THSD7A: variants seen among roughly 807,000 people sequenced by gnomAD.
THSD7A encodes thrombospondin type 1 domain containing 7A, also known as thrombospondin type-1 domain-containing protein 7A.
Under a neutral mutation model 231.3 loss-of-function variants are expected in THSD7A, and 96 were observed. The ratio of observed to expected loss-of-function variants is 0.41; its 90% CI spans 0.35 to 0.49. The LOEUF (loss-of-function observed/expected upper bound fraction) is 0.49. Ranked by LOEUF, THSD7A falls within the 20% of genes least tolerant of loss-of-function variation. The pLI is 0.05. For synonymous variants in THSD7A, 940 were observed against 743.3 expected, an observed-to-expected ratio of 1.26 and a Z score of -4.30; for missense variants, 2,290 against 2,070.2, an observed-to-expected ratio of 1.11 and a Z score of -2.06.
At chr7:11,777,906 T>C (rs1474380202) in intron 1 of THSD7A, among the ~76,000 whole-genome samples, 4 of 151,176 alleles carry the variant, frequency 2.6e-5, no homozygotes, top group Non-Finnish European at 5.9e-5. Context: ...TCCCAGCACT[T>C]TGGGAGGCCG....
chr7:11,412,636 T>G lies in THSD7A; in HGVS notation c.3682+20A>C. On this transcript the variant is annotated intron_variant, in intron 18 of 27. Transcript: ENST00000423059. ...ACAGGATTTGGACTTAACTCCGTGATCAGATGATGATCCATGTACCTGTTA... is the reference window on the plus strand; with the variant it reads ...ACAGGATTTGGACTTAACTCCGTGAGCAGATGATGATCCATGTACCTGTTA... 6.2e-7 allele frequency: 1 copy of G among 1,613,254 alleles called. No homozygotes were observed. Among genetic ancestry groups the G allele is most frequent in the Non-Finnish European group, 8.5e-7 (1 of 1,179,436 alleles).
intron 1 of THSD7A, among the ~76,000 whole-genome samples, chr7:11,684,278 T>C (rs1779946685): frequency 6.6e-6 from 1 of 151,462 alleles, no homozygotes; most frequent in African/African-American, 2.4e-5. Context: ...GCAAATACCA[T>C]ACTGAACAGG....
chr7:11,392,200 C>T (rs559862852), intron 23 of THSD7A, among the ~76,000 whole-genome samples: 96 of 152,114 alleles, frequency 6.3e-4, no homozygotes, highest in South Asian at 1.9e-3. Flanking sequence ...GTACCTGGCT[C>T]ATCTCATTGG....
Position 11,653,572 on chromosome 7 carries a change from C to T in THSD7A, c.191-16611G>A, listed in dbSNP as rs187680908. The stretch of plus-strand genomic sequence containing the variant: ...AGTATTCACAGGTGCAATCATAGCA[C>T]GTTACATCCTGGATGTCTTAAGCTC... On this transcript the variant is annotated intron_variant, in intron 1 of 27. Transcript: ENST00000423059. Among the ~76,000 whole-genome samples, 3 of 151,336 alleles carry T rather than the reference C, an allele frequency of 2.0e-5. No individual in the cohort carries two copies. In the East Asian group the frequency reaches 5.9e-4, roughly 30 times the overall value.
At chr7:11,613,847 A>G (rs775581852) in intron 2 of THSD7A, among the ~76,000 whole-genome samples, 1 of 152,160 alleles carries the variant, frequency 6.6e-6, no homozygotes, top group Admixed American at 6.5e-5. Context: ...GGATTTGCCT[A>G]TTATGTCTCC....
Position 11,424,728 on chromosome 7 carries a change from G to A in THSD7A, c.3351C>T (p.Asn1117=). 1 of 1,613,976 alleles carries A rather than the reference G, an allele frequency of 6.2e-7. No individual in the cohort carries two copies. Among genetic ancestry groups the A allele is most frequent in the Non-Finnish European group, 8.5e-7 (1 of 1,179,886 alleles). ...TTCGGGTTTGCACGCCCTCTCCACA[G>A]TTCTCCCGCATATTCACAAAGGTCA... ...CKVTFVNMRE[N]CGEGVQTRKV... Residue 1117 remains asparagine, a synonymous_variant, in exon 16 of 28, where the codon AAC becomes AAT. Transcript: ENST00000423059.
At chr7:11,750,836 G>A (rs1227137379) in intron 1 of THSD7A, among the ~76,000 whole-genome samples, 4 of 151,992 alleles carry the variant, frequency 2.6e-5, no homozygotes, top group Non-Finnish European at 5.9e-5. Flanking sequence ...AGGAATGACA[G>A]TAATACACTT....
chr7:11,668,205 A>G (rs1345074166), intron 1 of THSD7A, among the ~76,000 whole-genome samples: 1 of 152,080 alleles, frequency 6.6e-6, no homozygotes, highest in Non-Finnish European at 1.5e-5. Context: ...AGGGTGGATC[A>G]CCTGAGGCCG....
At chr7:11,741,510 C>T (rs79882056) in intron 1 of THSD7A, among the ~76,000 whole-genome samples, 6 of 151,852 alleles carry the variant, frequency 4.0e-5, no homozygotes, top group South Asian at 2.1e-4. Flanking sequence ...AATAAACTCA[C>T]GAGTGGTTTT....
intron 1 of THSD7A, among the ~76,000 whole-genome samples, chr7:11,810,743 T>C (rs1225117813): frequency 6.6e-6 from 1 of 152,152 alleles, no homozygotes; most frequent in Admixed American, 6.6e-5. Context: ...GCAAAATTAT[T>C]GATGATATTA....
intron 1 of THSD7A, among the ~76,000 whole-genome samples, chr7:11,644,347 A>C (rs985330863): frequency 6.6e-6 from 1 of 152,006 alleles, no homozygotes; most frequent in Non-Finnish European, 1.5e-5. Flanking sequence ...TTATAAATAT[A>C]TGCTCTGCCT....
chr7:11,654,654 T>C (rs1782640446), intron 1 of THSD7A, among the ~76,000 whole-genome samples: 3 of 151,948 alleles, frequency 2.0e-5, no homozygotes, highest in African/African-American at 7.2e-5. Context: ...CCACAAGTAT[T>C]AAATAGCCAT....
intron 6 of THSD7A, among the ~76,000 whole-genome samples, chr7:11,483,305 C>T (rs373671350): frequency 1.3e-5 from 2 of 152,242 alleles, no homozygotes; most frequent in East Asian, 3.9e-4. Flanking sequence ...CTTGCAGAGC[C>T]TTTAATCATG....
Position 11,637,410 on chromosome 7 carries a change from T to C in THSD7A, c.191-449A>G, listed in dbSNP as rs578157645. Among the ~76,000 whole-genome samples, 8 of 152,174 alleles carry C rather than the reference T, an allele frequency of 5.3e-5. No homozygotes were observed. The highest frequency in any genetic ancestry group is 1.0e-4 in the Non-Finnish European group (7 of 68,020). On this transcript the variant is annotated intron_variant, in intron 1 of 27. Coordinates refer to ENST00000423059, the MANE Select transcript of THSD7A (RefSeq NM_015204.3). This position sits in a 1 kb window ranked among gnomAD's most constrained non-coding sequence, Gnocchi z 4.2. ...TTTCTCTTCCTGGACAGTTAACTAT[T>C]TTGTGGAACTTGCTCTCTTCTTCAA...
At chr7:11,440,191 T>A (rs946669749) in intron 13 of THSD7A, among the ~76,000 whole-genome samples, 2 of 152,030 alleles carry the variant, frequency 1.3e-5, no homozygotes, top group African/African-American at 4.8e-5. Context: ...CATGGTTTAC[T>A]GAATATTTTA....
chr7:11,483,498 G>A (rs765866962), intron 6 of THSD7A, among the ~76,000 whole-genome samples: 1 of 151,966 alleles, frequency 6.6e-6, no homozygotes, highest in Non-Finnish European at 1.5e-5. Flanking sequence ...CTCAAATTTT[G>A]TTTTTATTGG....
In THSD7A at chr7:11,590,434, A is replaced by G; in HGVS notation, c.1453+26T>C. 3 of 1,592,040 alleles carry G rather than the reference A, an allele frequency of 1.9e-6. No individual in the cohort carries two copies. The highest frequency in any genetic ancestry group is 2.6e-6 in the Non-Finnish European group (3 of 1,168,496). ...ATGCTCAGTCAGTCTTCATAAGTGA[A>G]TCCTTGAGAAGAAAGCAAAGGTTAC... On this transcript the variant is annotated intron_variant, in intron 4 of 27. Coordinates refer to ENST00000423059, the MANE Select transcript of THSD7A (RefSeq NM_015204.3). This position sits in a 1 kb window ranked among gnomAD's most constrained non-coding sequence, Gnocchi z 4.4.
At chr7:11,816,130 C>A (rs898441069) in intron 1 of THSD7A, among the ~76,000 whole-genome samples, 1 of 152,108 alleles carries the variant, frequency 6.6e-6, no homozygotes, top group Non-Finnish European at 1.5e-5. Flanking sequence ...AGTTCACTAG[C>A]CTCAAATAGT....
intron 17 of THSD7A, among the ~76,000 whole-genome samples, chr7:11,413,333 A>T (rs1157794879): frequency 6.6e-6 from 1 of 152,088 alleles, no homozygotes; most frequent in Admixed American, 6.6e-5. Context: ...AACTGACCAA[A>T]TGGACCCCCT....
Sources: allele counts gnomAD v4.1 joint callset (sites outside exome capture counted in the v4.1 genomes callset), GRCh38; gene constraint gnomAD v4.1.1; non-coding constraint Gnocchi (gnomAD v3.1); transcripts MANE v1.5; gene names NCBI Gene and HGNC (gene_info 2026-07-23, HGNC 2026-07-21).